The following SNAP29 variants were observed in gnomAD, a reference collection of about 807,000 sequenced individuals.
SNAP29 encodes the protein synaptosomal-associated protein 29.
In SNAP29, 13 loss-of-function variants were observed where a neutral mutation model predicts 27.9. The ratio of observed to expected loss-of-function variants is 0.47; its 90% CI spans 0.30 to 0.74. The LOEUF is 0.74. SNAP29 is among the 30% of genes least tolerant of loss of function. The pLI, the probability that SNAP29 is intolerant of heterozygous loss-of-function variation, is 0.06. For synonymous variants in SNAP29, 119 were observed against 127.1 expected, an observed-to-expected ratio of 0.94 and a Z score of 0.43; for missense variants, 368 against 336.5, an observed-to-expected ratio of 1.09 and a Z score of -0.73.
At chr22:20,869,875 A>G (rs990653970) in intron 1 of SNAP29, among the ~76,000 whole-genome samples, 24 of 151,690 alleles carry the variant, frequency 1.6e-4, no homozygotes, top group African/African-American at 5.8e-4. Context: ...GGTTGAAGCA[A>G]TTCTCCTGCC....
chr22:20,877,547 A>G (rs1256744879), intron 2 of SNAP29, among the ~76,000 whole-genome samples: 1 of 151,104 alleles, frequency 6.6e-6, no homozygotes, highest in African/African-American at 2.4e-5. Context: ...CAAGAGCAGA[A>G]CTCCCTCTAA....
At chr22:20,885,420 C>T (rs1928989236) in intron 4 of SNAP29, among the ~76,000 whole-genome samples, 2 of 152,166 alleles carry the variant, frequency 1.3e-5, no homozygotes, top group African/African-American at 4.8e-5. Flanking sequence ...GCTGCCACCT[C>T]CTTCTATGCC....
At chr22:20,879,134 C>T (rs561591141) in intron 2 of SNAP29, among the ~76,000 whole-genome samples, 12 of 151,866 alleles carry the variant, frequency 7.9e-5, no homozygotes, top group South Asian at 2.1e-4. Context: ...GGTGAAACCC[C>T]GTCTCCACTA....
At chr22:20,872,862 C>G (rs1194697706) in intron 2 of SNAP29, among the ~76,000 whole-genome samples, 1 of 113,436 alleles carries the variant, frequency 8.8e-6, no homozygotes, top group African/African-American at 3.5e-5. Context: ...CAGAGTCTCA[C>G]TCTGTTGCCC....
rs190644833 is a variant in SNAP29, at chr22:20,870,016, G to A, written c.238-321G>A. ...GAACTCCTGACCTCATGATCTGCCC[G>A]CCTCAGCCTCCCAAAATGCTGGGAT... On this transcript the variant is annotated intron_variant, in intron 1 of 4. Coordinates refer to ENST00000215730, the MANE Select transcript of SNAP29 (RefSeq NM_004782.4). Among the ~76,000 whole-genome samples the A allele has an allele frequency of 2.2e-3, 332 of 152,148 alleles. 1 individual carries two copies. The highest frequency in any genetic ancestry group is 7.9e-3 in the African/African-American group (327 of 41,498).
At chr22:20,883,094 C>T (rs956182307) in intron 3 of SNAP29, among the ~76,000 whole-genome samples, 6 of 150,830 alleles carry the variant, frequency 4.0e-5, no homozygotes, top group Non-Finnish European at 7.4e-5. Context: ...ATTTATGTAA[C>T]GTAACAATTT....
rs116103517 is a variant in SNAP29, at chr22:20,880,652, G to A, written c.435-397G>A. 9.0e-3 allele frequency among the ~76,000 whole-genome samples: 1,369 copies of A among 152,224 alleles called. 20 individuals carry two copies. The highest frequency in any genetic ancestry group is 0.032 in the African/African-American group (1,309 of 41,544). The stretch of plus-strand genomic sequence containing the variant: ...CATCTGCCTGGTCCTAGGAATCCAG[G>A]TTTCCCTGAGAGAGGGCCACCTAAC... On this transcript the variant is annotated intron_variant, in intron 2 of 4. Coordinates refer to ENST00000215730, the MANE Select transcript of SNAP29 (RefSeq NM_004782.4).
intron 1 of SNAP29, among the ~76,000 whole-genome samples, chr22:20,860,509 A>G (rs1169225511): frequency 6.6e-6 from 1 of 150,432 alleles, no homozygotes; most frequent in Non-Finnish European, 1.5e-5. Flanking sequence ...AGCTGGGACT[A>G]CAGGTGCGCC....
At position 20,887,566 on chromosome 22, in the gene SNAP29, T is replaced by C. The variant is rs165877; in HGVS notation, c.620-113T>C. The C allele has an allele frequency of 0.34, 374,179 of 1,096,684 alleles. 65,402 individuals carry two copies. The highest frequency in any genetic ancestry group is 0.46 in the Admixed American group (27,307 of 58,876). 67.9% of individuals were successfully genotyped at this position (1,096,684 alleles called of 1,614,324 possible). ...AGACTCATCTCTGCAGTGGGTGCAG[T>C]CCCCCCAGGCAACACAGATCCCTGT... On this transcript the variant is annotated intron_variant, in intron 4 of 4. Coordinates refer to ENST00000215730, the MANE Select transcript of SNAP29 (RefSeq NM_004782.4).
chr22:20,881,060 C>T lies in SNAP29; in HGVS notation c.446C>T (p.Ala149Val), dbSNP rs373809298. The T allele has an allele frequency of 8.7e-6, 14 of 1,609,150 alleles. No individual in the cohort carries two copies. The highest frequency in any genetic ancestry group is 1.3e-5 in the African/African-American group (1 of 74,834). ...ACTTTTATCCAAAGATTGAAAGAAG[C>T]TATAAGTACAAGTAAAGAACAGGAA... is the stretch of plus-strand genomic sequence containing the variant. The part of the protein sequence containing the change: ...TSQPNNRLKE[A>V]ISTSKEQEAK... Residue 149 changes from alanine (A) to valine (V), a missense_variant, in exon 3 of 5, where the codon GCT becomes GTT. Physicochemically the swap from Ala to Val is moderately conservative, Grantham distance 64. Transcript: ENST00000215730.
In SNAP29 at chr22:20,859,226, C is replaced by T; in HGVS notation, c.116C>T (p.Ala39Val). ...CTCCCCGACGGGCCCGACGCGCCCG[C>T]GGACAGGCAGCAGTACTTGCGGCAG... is the stretch of plus-strand genomic sequence containing the variant. ...RDLPDGPDAP[A>V]DRQQYLRQEV... is the part of the protein sequence containing the mutation. The change falls in exon 1 of 5, where the codon GCG (alanine) becomes GTG (valine). Residue 39 changes from alanine to valine, a missense_variant. Ala to Val is a moderately conservative substitution (Grantham distance 64). Coordinates refer to ENST00000215730, the MANE Select transcript of SNAP29 (RefSeq NM_004782.4). 1 of 1,605,404 alleles carries T rather than the reference C, an allele frequency of 6.2e-7. No individual in the cohort carries two copies. Among genetic ancestry groups the T allele is most frequent in the Non-Finnish European group, 8.5e-7 (1 of 1,176,920 alleles).
chr22:20,879,034 G>A (rs558730529), intron 2 of SNAP29, among the ~76,000 whole-genome samples: 37 of 152,302 alleles, frequency 2.4e-4, no homozygotes, highest in Admixed American at 1.4e-3. Flanking sequence ...GTGGCCGGGT[G>A]CAGTGGCTCA....
intron 1 of SNAP29, among the ~76,000 whole-genome samples, chr22:20,863,911 G>A (rs922574972): frequency 6.6e-6 from 1 of 152,160 alleles, no homozygotes; most frequent in Non-Finnish European, 1.5e-5. Flanking sequence ...TTAATAGAAT[G>A]GAGTTTGTTC....
chr22:20,859,071 T>C lies in SNAP29; in HGVS notation c.-40T>C. 1.3e-6 allele frequency: 2 copies of C among 1,517,918 alleles called. No homozygotes were observed. The highest frequency in any genetic ancestry group is 1.8e-6 in the Non-Finnish European group (2 of 1,103,082). 94.0% of individuals were successfully genotyped at this position (1,517,918 alleles called of 1,614,324 possible). A position where few individuals can be genotyped will look rare whatever the true frequency, so the allele number is the denominator to read the frequency against. ...CCCTGGACGGCGGCGGCAGTGGGGC[T>C]CCTCCTTCTGTTTCCCAGACCGAGA... On this transcript the variant is annotated 5_prime_UTR_variant, in exon 1 of 5. Transcript: ENST00000215730.
intron 4 of SNAP29, among the ~76,000 whole-genome samples, chr22:20,885,281 G>A (rs1198017288): frequency 6.6e-6 from 1 of 152,042 alleles, no homozygotes; most frequent in Non-Finnish European, 1.5e-5. Flanking sequence ...AAAGTGTAGG[G>A]GACAAATAAT....
chr22:20,859,389 T>TTTGACAGCACAGAGACC, intron 1 of SNAP29, 42 bp downstream of exon 1: 1 of 1,364,284 alleles, frequency 7.3e-7, no homozygotes, highest in Non-Finnish European at 1.1e-6. Flanking sequence ...CCGGTCTCTG[T>TTTGACAGCACAGAGACC]GCTGTCAAAC....
chr22:20,868,018 T>G (rs146351664), intron 1 of SNAP29, among the ~76,000 whole-genome samples: 48 of 152,300 alleles, frequency 3.2e-4, no homozygotes, highest in East Asian at 9.7e-4. Context: ...CTGGAAAGCT[T>G]CTTCTGCAGC....
At position 20,890,999 on chromosome 22, in the gene SNAP29, C is replaced by CA. The variant is rs922721206; in HGVS notation, c.*3164dup. 7.9e-5 allele frequency: 12 copies of CA among 151,644 alleles called. No homozygotes were observed. The highest frequency in any genetic ancestry group is 2.9e-4 in the African/African-American group (12 of 41,348). 9.4% of individuals were successfully genotyped at this position (151,644 alleles called of 1,614,324 possible). On this transcript the variant is annotated 3_prime_UTR_variant, in exon 5 of 5. Coordinates refer to ENST00000215730, the MANE Select transcript of SNAP29 (RefSeq NM_004782.4). ...CTGAGGCAGAAGAATGGCGTGAACT[C>CA]AGGAGGCGGAGCTTGCAGTGAGCCA... is the stretch of plus-strand genomic sequence containing the variant.
chr22:20,890,798 G>C lies in SNAP29; in HGVS notation c.*2962G>C, dbSNP rs896876459. 6.7e-6 allele frequency: 1 copy of C among 149,790 alleles called. No homozygotes were observed. The allele number at this position is 149,790 out of a possible 1,614,324, so 9.3% of individuals were successfully genotyped here. On this transcript the variant is annotated 3_prime_UTR_variant, in exon 5 of 5. Transcript: ENST00000215730. ...AAAAAAAATAGTGCACTCTCTGGCT[G>C]GTCACGGTGGCTCACGCCTGTAATC...
Sources: gnomAD v4.1 joint callset for allele counts (sites outside exome capture counted in the v4.1 genomes callset) on GRCh38, gnomAD v4.1.1 for gene constraint, MANE v1.5 for transcripts, NCBI Gene and HGNC (gene_info 2026-07-23, HGNC 2026-07-21) for gene names.